CDKN2B-AS1: variants seen among roughly 807,000 people sequenced by gnomAD.
CDKN2B-AS1 encodes CDKN2B and CDKN2A antisense cis and trans regulatory RNA 1.
intron 1 of CDKN2B-AS1, among the ~76,000 whole-genome samples, chr9:22,016,186 A>G (rs2131211647): frequency 6.6e-6 from 1 of 152,240 alleles, no homozygotes; most frequent in East Asian, 1.9e-4. Context: ...TATGTCCTGA[A>G]TGGTAATGCC....
intron 1 of CDKN2B-AS1, among the ~76,000 whole-genome samples, chr9:22,010,968 G>T (rs1305676633): frequency 6.6e-6 from 1 of 152,206 alleles, no homozygotes; most frequent in Non-Finnish European, 1.5e-5. Context: ...ATGGTGATAG[G>T]GAAAGAACCA....
At chr9:22,125,420 A>G (rs1041480057) in intron 4 of CDKN2B-AS1, among the ~76,000 whole-genome samples, 1 of 152,248 alleles carries the variant, frequency 6.6e-6, no homozygotes, top group Non-Finnish European at 1.5e-5. Flanking sequence ...CTTGTGTATG[A>G]CACTTCTTAG....
rs3217981 is a variant in CDKN2B-AS1, at chr9:22,006,270, C to T, written n.29+11109C>T. ...GACCTGCCAGAGAGAGCAGAGTGGT[C>T]AGAGCCAGGGTGGGGGCAGGTATGG... is the stretch of plus-strand genomic sequence containing the variant. On this transcript the variant is annotated intron_variant and non_coding_transcript_variant, in intron 1 of 4. Coordinates refer to ENST00000650946, the Ensembl canonical transcript of CDKN2B-AS1. This position sits in a 1 kb window ranked among gnomAD's most constrained non-coding sequence, Gnocchi z 6.4. 217 of 1,601,358 alleles carry T rather than the reference C, an allele frequency of 1.4e-4. 4 individuals carry two copies. In the East Asian group the frequency reaches 4.8e-3, roughly 36 times the overall value.
chr9:22,109,618 G>A (rs1395792085), intron 4 of CDKN2B-AS1, among the ~76,000 whole-genome samples: 1 of 152,166 alleles, frequency 6.6e-6, no homozygotes, highest in African/African-American at 2.4e-5. Flanking sequence ...TGTATTCGAT[G>A]CTGGTGATGG....
At chr9:22,023,550 G>A (rs553283459) in intron 1 of CDKN2B-AS1, among the ~76,000 whole-genome samples, 3 of 151,890 alleles carry the variant, frequency 2.0e-5, no homozygotes, top group South Asian at 2.1e-4. Flanking sequence ...CCTGGATAAT[G>A]TGGTGAAACC....
In CDKN2B-AS1 at chr9:22,095,212, G is replaced by T. The variant is rs1227338398; in HGVS notation, n.439-31891G>T. The stretch of plus-strand genomic sequence containing the variant: ...GGGTACCCAGCCGTGTGAGGTGTCA[G>T]TCTGCCCCTACTGGGGGGTGCCTCA... On this transcript the variant is annotated intron_variant and non_coding_transcript_variant, in intron 4 of 4. Transcript: ENST00000650946. Among the ~76,000 whole-genome samples the T allele has an allele frequency of 2.1e-5, 3 of 144,950 alleles. 1 individual carries two copies. Among genetic ancestry groups the T allele is most frequent in the African/African-American group, 8.6e-5 (3 of 34,990 alleles).
chr9:22,024,723 C>G (rs1196620971), intron 1 of CDKN2B-AS1, among the ~76,000 whole-genome samples: 2 of 152,198 alleles, frequency 1.3e-5, no homozygotes, highest in Non-Finnish European at 2.9e-5. Flanking sequence ...CAAATTCCAC[C>G]TGTGCAGACA....
rs1337961260 is a variant in CDKN2B-AS1, at chr9:21,999,637, A to G, written n.29+4476A>G. Among the ~76,000 whole-genome samples the G allele has an allele frequency of 1.3e-5, 2 of 152,202 alleles. No individual in the cohort carries two copies. Among genetic ancestry groups the G allele is most frequent in the Admixed American group, 6.5e-5 (1 of 15,282 alleles). ...ATATAAATTGCTACAGATAACTTGTATAAGTATGCAGAAATGTTTCTTTAT... is the reference window on the plus strand; with the variant it reads ...ATATAAATTGCTACAGATAACTTGTGTAAGTATGCAGAAATGTTTCTTTAT... On this transcript the variant is annotated intron_variant and non_coding_transcript_variant, in intron 1 of 4. Transcript: ENST00000650946. The surrounding 1 kb of genome is among the most constrained non-coding windows in gnomAD (Gnocchi z 4.7).
intron 4 of CDKN2B-AS1, among the ~76,000 whole-genome samples, chr9:22,083,643 G>A (rs1342393239): frequency 6.6e-6 from 1 of 152,210 alleles, no homozygotes; most frequent in African/African-American, 2.4e-5. Context: ...AAGAACCACA[G>A]CTCGATCAGC....
At chr9:22,014,312 A>G (rs1821645354) in intron 1 of CDKN2B-AS1, among the ~76,000 whole-genome samples, 1 of 152,020 alleles carries the variant, frequency 6.6e-6, no homozygotes, top group Admixed American at 6.6e-5. Context: ...ACAGGCACAC[A>G]TCACCTGGCT....
chr9:22,014,395 C>A (rs1176421988), intron 1 of CDKN2B-AS1, among the ~76,000 whole-genome samples: 2 of 151,986 alleles, frequency 1.3e-5, no homozygotes, highest in African/African-American at 4.8e-5. Flanking sequence ...CTGGGCTCAG[C>A]CTCCTAAGCT....
intron 4 of CDKN2B-AS1, among the ~76,000 whole-genome samples, chr9:22,067,427 T>C (rs1824094534): frequency 1.3e-5 from 2 of 152,078 alleles, no homozygotes; most frequent in Non-Finnish European, 2.9e-5. Context: ...AAGAGCAGGA[T>C]TGAGTCATGT....
intron 1 of CDKN2B-AS1, among the ~76,000 whole-genome samples, chr9:22,028,085 T>A (rs1822314141): frequency 6.6e-6 from 1 of 152,192 alleles, no homozygotes; most frequent in African/African-American, 2.4e-5. Flanking sequence ...CCAGATTTTT[T>A]GGACGTTCTG....
chr9:22,126,571 A>ATTTTTTTTTTTTTTTTTT (rs1818026896), intron 4 of CDKN2B-AS1, among the ~76,000 whole-genome samples: 5 of 100,594 alleles, frequency 5.0e-5, no homozygotes, highest in African/African-American at 2.2e-4. Context: ...GAGTAAGTGG[A>ATTTTTTTTTTTTTTTTTT]TTCTTTTTTT....
intron 1 of CDKN2B-AS1, among the ~76,000 whole-genome samples, chr9:22,013,185 G>A (rs1821587587): frequency 6.6e-6 from 1 of 152,048 alleles, no homozygotes; most frequent in Admixed American, 6.6e-5. Context: ...CACCCCAATG[G>A]CCTTATTTTA....
intron 4 of CDKN2B-AS1, among the ~76,000 whole-genome samples, chr9:22,097,094 C>T (rs147877336): frequency 1.3e-5 from 2 of 152,250 alleles, no homozygotes; most frequent in East Asian, 3.9e-4. Context: ...TTCTTTTGTC[C>T]TCTTCACCAG....
Position 22,005,843 on chromosome 9 carries a change from C to T in CDKN2B-AS1, n.29+10682C>T. The T allele has an allele frequency of 8.8e-7, 1 of 1,138,194 alleles. No individual in the cohort carries two copies. Among genetic ancestry groups the T allele is most frequent in the Non-Finnish European group, 1.3e-6 (1 of 793,912 alleles). The allele number at this position is 1,138,194 out of a possible 1,614,324, so 70.5% of individuals were successfully genotyped here. A position where few individuals can be genotyped will look rare whatever the true frequency, so the allele number is the denominator to read the frequency against. The stretch of plus-strand genomic sequence containing the variant: ...ATGGAAGGTTATTCCCGGTCGGCTC[C>T]TCCTTCCTGTGAGTCTCAGACAGGC... On this transcript the variant is annotated intron_variant and non_coding_transcript_variant, in intron 1 of 4. Transcript: ENST00000650946. The surrounding 1 kb of genome is among the most constrained non-coding windows in gnomAD (Gnocchi z 4.9).
chr9:22,044,615 G>A (rs1470346756), intron 1 of CDKN2B-AS1, among the ~76,000 whole-genome samples: 1 of 151,956 alleles, frequency 6.6e-6, no homozygotes, highest in Non-Finnish European at 1.5e-5. Flanking sequence ...GTTTTTACCT[G>A]TGAAAGTCAA....
intron 4 of CDKN2B-AS1, among the ~76,000 whole-genome samples, chr9:22,086,110 T>C (rs1824860752): frequency 1.3e-5 from 2 of 152,172 alleles, no homozygotes; most frequent in South Asian, 2.1e-4. Flanking sequence ...TATCCCTTAA[T>C]TCAACATATT....
Sources: gnomAD v4.1 joint callset for allele counts (sites outside exome capture counted in the v4.1 genomes callset) on GRCh38, gnomAD v4.1.1 for gene constraint, Gnocchi (gnomAD v3.1) non-coding constraint, MANE v1.5 for transcripts, NCBI Gene and HGNC (gene_info 2026-07-23, HGNC 2026-07-21) for gene names.